VAV3: variants seen among roughly 807,000 people sequenced by gnomAD.
VAV3 encodes the protein guanine nucleotide exchange factor VAV3.
In VAV3, 94 loss-of-function variants were observed where a neutral mutation model predicts 131.2. The ratio of observed to expected loss-of-function variants is 0.72; its 90% CI spans 0.61 to 0.85. The LOEUF is 0.85. Ranked by LOEUF, VAV3 falls within the 40% of genes least tolerant of loss-of-function variation. The pLI is 0.00. For missense variants in VAV3, 939 were observed against 1,002.7 expected (o/e 0.94, Z 0.86); for synonymous variants, 349 against 342.0 (o/e 1.02, Z -0.22).
chr1:107,833,579 T>C (rs1668351994), intron 2 of VAV3, among the ~76,000 whole-genome samples: 1 of 152,234 alleles, frequency 6.6e-6, no homozygotes, highest in South Asian at 2.1e-4. Context: ...TTTTTACTTA[T>C]GTATGTCTAT....
At chr1:107,749,105 A>T (rs1362024554) in intron 14 of VAV3, 28 bp from the exon 15 acceptor site, 2 of 1,426,950 alleles carry the variant, frequency 1.4e-6, no homozygotes, top group Non-Finnish European at 1.9e-6. Flanking sequence ...CCTTAGATTA[A>T]TATGTATCAT....
intron 22 of VAV3, among the ~76,000 whole-genome samples, chr1:107,606,559 TC>T (rs745853576): frequency 1.3e-5 from 2 of 152,128 alleles, no homozygotes; most frequent in Non-Finnish European, 2.9e-5. Context: ...GAATGCTGTA[TC>T]CCCTGGGTCA....
At position 107,749,508 on chromosome 1, in the gene VAV3, T is replaced by G. The variant is rs770975808; in HGVS notation, c.1346A>C (p.Gln449Pro). Residue 449 changes from glutamine to proline, a missense_variant, in exon 14 of 27, where the codon CAG becomes CCG. Gln to Pro is a moderately conservative substitution (Grantham distance 76). Coordinates refer to ENST00000370056, the MANE Select transcript of VAV3 (RefSeq NM_006113.5). The stretch of plus-strand genomic sequence containing the variant: ...TGTAGGATTATTGGCTATCTTGTAC[T>G]GCTGAAGATCTATTATTTCCTTCAT... Reference protein sequence around the residue: ...YEMKEIIDLQQYKIANNPTTD... With the variant: ...YEMKEIIDLQPYKIANNPTTD... 1 of 1,611,928 alleles carries G rather than the reference T, an allele frequency of 6.2e-7. No homozygotes were observed. Among genetic ancestry groups the G allele is most frequent in the Non-Finnish European group, 8.5e-7 (1 of 1,179,348 alleles).
At chr1:107,652,630 T>A (rs951753943) in intron 19 of VAV3, among the ~76,000 whole-genome samples, 11 of 152,130 alleles carry the variant, frequency 7.2e-5, no homozygotes. Flanking sequence ...TTTTCATATA[T>A]ATATTTATAT....
intron 16 of VAV3, 84 bp from the exon 17 acceptor site, chr1:107,704,734 T>C (rs1660339357): frequency 3.4e-6 from 4 of 1,182,900 alleles, no homozygotes; most frequent in Non-Finnish European, 4.9e-6. Context: ...AGAAAAAAAG[T>C]ATCAACAGTG....
Position 107,936,957 on chromosome 1 carries a change from T to C in VAV3, c.204+27709A>G, listed in dbSNP as rs12069508. ...GGCACCCCTTTTACTTACTTCTCAA[T>C]GCTGCCGGTCAGATTTCCAAAGACT... On this transcript the variant is annotated intron_variant, in intron 1 of 26. Coordinates refer to ENST00000370056, the MANE Select transcript of VAV3 (RefSeq NM_006113.5). Among the ~76,000 whole-genome samples the C allele has an allele frequency of 3.6e-3, 544 of 152,238 alleles. 2 individuals carry two copies. Among genetic ancestry groups the C allele is most frequent in the African/African-American group, 0.012 (505 of 41,544 alleles).
intron 2 of VAV3, among the ~76,000 whole-genome samples, chr1:107,872,979 T>C (rs1670320534): frequency 6.6e-6 from 1 of 152,186 alleles, no homozygotes; most frequent in Admixed American, 6.6e-5. Flanking sequence ...ATATCACAAA[T>C]TCTTTAACTT....
chr1:107,629,732 A>G (rs907191131), intron 20 of VAV3, among the ~76,000 whole-genome samples: 5 of 152,180 alleles, frequency 3.3e-5, no homozygotes, highest in African/African-American at 1.2e-4. Flanking sequence ...GTTTGAAAGA[A>G]GTAATAATGA....
intron 2 of VAV3, among the ~76,000 whole-genome samples, chr1:107,822,313 A>T (rs1667825372): frequency 6.6e-6 from 1 of 152,102 alleles, no homozygotes; most frequent in African/African-American, 2.4e-5. Flanking sequence ...CAAAGGGATA[A>T]GTGGGAAGTA....
At chr1:107,732,243 G>A (rs1192794520) in intron 15 of VAV3, among the ~76,000 whole-genome samples, 3 of 152,206 alleles carry the variant, frequency 2.0e-5, no homozygotes, top group Admixed American at 6.5e-5. Context: ...TTGGGCAGCC[G>A]TTTCAAGATG....
At chr1:107,677,859 C>G (rs1658318330) in intron 19 of VAV3, 1 of 152,158 alleles carries the variant, frequency 6.6e-6, no homozygotes, top group Non-Finnish European at 1.5e-5. Flanking sequence ...GTATAAAAGA[C>G]AGGCTTGGCA....
chr1:107,869,039 T>C (rs889183815), intron 2 of VAV3, among the ~76,000 whole-genome samples: 6 of 151,610 alleles, frequency 4.0e-5, no homozygotes, highest in African/African-American at 1.5e-4. Context: ...TAGCTCCTTG[T>C]GTAGACTCAC....
intron 1 of VAV3, among the ~76,000 whole-genome samples, chr1:107,894,178 A>T (rs1671459605): frequency 1.3e-5 from 2 of 152,266 alleles, no homozygotes. Context: ...AATTTTCATT[A>T]AAGCTCATAT....
chr1:107,953,948 G>C (rs371885477), intron 1 of VAV3, among the ~76,000 whole-genome samples: 1 of 152,166 alleles, frequency 6.6e-6, no homozygotes, highest in Non-Finnish European at 1.5e-5. Flanking sequence ...TACACTTCTT[G>C]TAACACAGAT....
In VAV3 at chr1:107,773,229, T is replaced by C. The variant is rs976736674; in HGVS notation, c.447-386A>G. 2.8e-4 allele frequency among the ~76,000 whole-genome samples: 42 copies of C among 152,350 alleles called. 1 individual carries two copies. Among genetic ancestry groups the C allele is most frequent in the African/African-American group, 9.1e-4 (38 of 41,578 alleles). On this transcript the variant is annotated intron_variant, in intron 4 of 26. Transcript: ENST00000370056. The stretch of plus-strand genomic sequence containing the variant: ...CTTTACAAATAACCCAGGTAGTCAC[T>C]GGCAGATCCAATATTTAAAACCAAG...
At chr1:107,664,621 C>T (rs6659167) in intron 19 of VAV3, among the ~76,000 whole-genome samples, 99,181 of 151,898 alleles carry the variant, frequency 0.65, 33,752 homozygotes, top group African/African-American at 0.85. Context: ...TTCCAGATAC[C>T]ATGGGTATAA....
intron 1 of VAV3, among the ~76,000 whole-genome samples, chr1:107,933,030 T>C (rs1302761348): frequency 6.6e-6 from 1 of 152,126 alleles, no homozygotes; most frequent in African/African-American, 2.4e-5. Flanking sequence ...CTAATACATA[T>C]CCCAATGTTA....
chr1:107,787,264 C>G (rs562096328), intron 2 of VAV3, among the ~76,000 whole-genome samples: 2 of 152,312 alleles, frequency 1.3e-5, no homozygotes, highest in East Asian at 3.9e-4. Flanking sequence ...CTGAACACTT[C>G]ATTCTGTGCT....
chr1:107,792,843 T>C (rs1475350055), intron 2 of VAV3, among the ~76,000 whole-genome samples: 7 of 152,198 alleles, frequency 4.6e-5, no homozygotes, highest in Non-Finnish European at 1.0e-4. Context: ...TACCAGCTTG[T>C]ACCCTCCTTC....
Sources: gnomAD v4.1 joint callset for allele counts (sites outside exome capture counted in the v4.1 genomes callset) on GRCh38, gnomAD v4.1.1 for gene constraint, MANE v1.5 for transcripts, NCBI Gene and HGNC (gene_info 2026-07-23, HGNC 2026-07-21) for gene names.